Variants in NPAS4 observed in about 807,000 individuals in gnomAD.
The protein encoded by NPAS4 is neuronal PAS domain protein 4, also known as neuronal PAS domain-containing protein 4.
In NPAS4, 10 loss-of-function variants were observed where a neutral mutation model predicts 64.0. The observed-to-expected ratio is 0.16, with a 90% CI of 0.10 to 0.26. NPAS4 has a LOEUF of 0.26. Among genes scored for constraint, NPAS4 ranks in the 10% least tolerant of loss-of-function variants. NPAS4 has a pLI of 1.00. For synonymous variants in NPAS4, 441 were observed against 411.7 expected (o/e 1.07, Z -0.86); for missense variants, 886 against 992.6 (o/e 0.89, Z 1.44).
Position 66,421,088 on chromosome 11 carries a change from G to A in NPAS4, c.-92G>A. 8.8e-7 allele frequency: 1 copy of A among 1,132,600 alleles called. No homozygotes were observed. Among genetic ancestry groups the A allele is most frequent in the Non-Finnish European group, 1.3e-6 (1 of 793,216 alleles). 70.2% of individuals were successfully genotyped at this position (1,132,600 alleles called of 1,614,324 possible). ...GAGCAGAGAGCGAGCCTGAGCGAGA[G>A]ACGGGGAAGCACGGAGGAGGAAGCC... On this transcript the variant is annotated 5_prime_UTR_variant, in exon 1 of 8. Transcript: ENST00000311034.
At position 66,423,152 on chromosome 11, in the gene NPAS4, G is replaced by C; in HGVS notation, c.728G>C (p.Ser243Thr). The change falls in exon 5 of 8, where the codon AGT becomes ACT. Residue 243 changes from serine (S) to threonine (T), a missense_variant. Physicochemically the swap from Ser to Thr is moderately conservative, Grantham distance 58. Transcript: ENST00000311034. ...CTAATCTACCTGGGCTTTGAGCGCA[G>C]TGAACTGCTTTGTAAATCATGGTAT... ...SVLIYLGFER[S>T]ELLCKSWYGL... 1 of 1,611,428 alleles carries C rather than the reference G, an allele frequency of 6.2e-7. No individual in the cohort carries two copies. Among genetic ancestry groups the C allele is most frequent in the Non-Finnish European group, 8.5e-7 (1 of 1,178,616 alleles).
rs555780354 is a variant in NPAS4 at position 66,421,399 on chromosome 11, G to A, written c.175+45G>A. ...CGCAGATCCGAGCTGCCAGGCGCCG[G>A]AGACCCTGGAGCTGAGGGAACCCGC... On this transcript the variant is annotated intron_variant, in intron 1 of 7. Transcript: ENST00000311034. 5 of 1,585,942 alleles carry A rather than the reference G, an allele frequency of 3.2e-6. No individual in the cohort carries two copies. In the South Asian group the frequency reaches 5.6e-5, roughly 18 times the overall value.
chr11:66,426,104 T>G lies in NPAS4; in HGVS notation c.*115T>G. ...TCTGAGGGCCAGAGGGGGATATATA[T>G]GATTCCCCAGGCCCTGCAGGATTTT... On this transcript the variant is annotated 3_prime_UTR_variant, in exon 8 of 8. Transcript: ENST00000311034. 9.8e-6 allele frequency: 6 copies of G among 609,632 alleles called. No homozygotes were observed. The highest frequency in any genetic ancestry group is 1.6e-5 in the South Asian group (1 of 61,880). The allele number at this position is 609,632 out of a possible 1,614,324, so 37.8% of individuals were successfully genotyped here.
At chr11:66,414,347 G>A in the NPAS4 span, among the ~76,000 whole-genome samples, 1 of 152,180 alleles carries the variant, frequency 6.6e-6, no homozygotes, top group African/African-American at 2.4e-5. Flanking sequence ...CTCTTGGAAT[G>A]TGGCTGCTCT....
chr11:66,425,333 T>G, intron 7 of NPAS4, 63 bp downstream of exon 7: 1 of 951,504 alleles, frequency 1.1e-6, no homozygotes, highest in Non-Finnish European at 1.5e-6. Flanking sequence ...GCTGGGTAGA[T>G]TTAGGCAAAT....
intron 4 of NPAS4, 38 bp downstream of exon 4, chr11:66,422,979 G>T (rs201679315): frequency 5.0e-6 from 8 of 1,593,640 alleles, no homozygotes; most frequent in African/African-American, 2.7e-5. Flanking sequence ...AGAAAGGCAG[G>T]CCAGAGATGA....
chr11:66,426,278 T>C lies in NPAS4; in HGVS notation c.*289T>C. The C allele has an allele frequency of 2.7e-6, 1 of 366,618 alleles. No homozygotes were observed. The highest frequency in any genetic ancestry group is 3.4e-5 in the South Asian group (1 of 29,758). The allele number at this position is 366,618 out of a possible 1,614,324, so 22.7% of individuals were successfully genotyped here. A position where few individuals can be genotyped will look rare whatever the true frequency, so the allele number is the denominator to read the frequency against. On this transcript the variant is annotated 3_prime_UTR_variant, in exon 8 of 8. Transcript: ENST00000311034. ...AAGCGGAGAATGGGGGAGTCTCACT[T>C]CCCCGCCGCCTTGCCCCATTGGCCT...
the NPAS4 span, among the ~76,000 whole-genome samples, chr11:66,411,380 G>A: frequency 1.3e-5 from 2 of 152,150 alleles, no homozygotes. Context: ...GAGGTTTGCA[G>A]AACACGCCCA....
At chr11:66,413,286 G>T in the NPAS4 span, among the ~76,000 whole-genome samples, 1 of 152,248 alleles carries the variant, frequency 6.6e-6, no homozygotes, top group Non-Finnish European at 1.5e-5. Flanking sequence ...CAGCACCCCA[G>T]GAGAGAGAAC....
chr11:66,425,409 G>A (rs1158809714), intron 7 of NPAS4, 139 bp downstream of exon 7: 2 of 505,090 alleles, frequency 4.0e-6, no homozygotes, highest in Non-Finnish European at 6.8e-6. Context: ...GAGAGTAGCA[G>A]TGGAGATAAG....
chr11:66,421,147 G>C lies in NPAS4; in HGVS notation c.-33G>C. 3 of 1,560,576 alleles carry C rather than the reference G, an allele frequency of 1.9e-6. No homozygotes were observed. Among genetic ancestry groups the C allele is most frequent in the Non-Finnish European group, 2.6e-6 (3 of 1,151,280 alleles). The stretch of plus-strand genomic sequence containing the variant: ...GTCGGGACGGGAGCGCAGGTGCTCG[G>C]GCACCCGAGCTGGAGCTCCGCAGCC... On this transcript the variant is annotated 5_prime_UTR_variant, in exon 1 of 8. Transcript: ENST00000311034.
upstream of NPAS4, among the ~76,000 whole-genome samples, chr11:66,416,266 CA>C (rs1224268238): frequency 6.6e-6 from 1 of 152,204 alleles, no homozygotes; most frequent in East Asian, 1.9e-4. Context: ...AGGGTAGCAG[CA>C]GCCTGCCAGA....
Position 66,424,871 on chromosome 11 carries a change from C to T in NPAS4, c.1981C>T (p.Pro661Ser), listed in dbSNP as rs1278028878. 1.2e-6 allele frequency: 2 copies of T among 1,612,742 alleles called. No individual in the cohort carries two copies. The highest frequency in any genetic ancestry group is 8.5e-7 in the Non-Finnish European group (1 of 1,179,472). Residue 661 changes from proline (P) to serine (S), a missense_variant, in exon 7 of 8, where the codon CCA (proline) becomes TCA (serine). Transcript: ENST00000311034. ...TGAGGCTGGCACTGGCGGACTAGAG[C>T]CACTTGGAGGACTGGAGCCCCTGGA... ...SAEAGTGGLEPLGGLEPLDSN... is the reference protein window; with the variant it reads ...SAEAGTGGLESLGGLEPLDSN...
chr11:66,422,494 A>G lies in NPAS4; in HGVS notation c.371A>G (p.Asp124Gly). The change falls in exon 3 of 8, where the codon GAC becomes GGC. Residue 124 changes from aspartate (D) to glycine (G), a missense_variant. Coordinates refer to ENST00000311034, the MANE Select transcript of NPAS4 (RefSeq NM_178864.4). ...AQGDSIYDII[D>G]PADHLTVRQQ... The stretch of plus-strand genomic sequence containing the variant: ...GGTGACAGCATCTACGACATCATTG[A>G]CCCAGCTGACCACCTCACTGTGCGC... 1 of 1,613,950 alleles carries G rather than the reference A, an allele frequency of 6.2e-7. No homozygotes were observed. Among genetic ancestry groups the G allele is most frequent in the Non-Finnish European group, 8.5e-7 (1 of 1,179,970 alleles).
rs372801198 is a variant in NPAS4 at position 66,422,235 on chromosome 11, G to A, written c.291G>A (p.Leu97=). 1.9e-6 allele frequency: 3 copies of A among 1,614,068 alleles called. No homozygotes were observed. In the Admixed American group the frequency reaches 5.0e-5, roughly 27 times the overall value. The stretch of plus-strand genomic sequence containing the variant: ...CAGCCGAGGGGAAATTGCTCTACCT[G>A]TCTGAGAGTGTGAGCGAGCATCTGG... The part of the protein sequence containing the change: ...VFTAEGKLLY[L]SESVSEHLGH... Residue 97 remains leucine (L), a synonymous_variant, in exon 2 of 8, where the codon CTG becomes CTA. Transcript: ENST00000311034.
In NPAS4 at chr11:66,425,117, T is replaced by C; in HGVS notation, c.2227T>C (p.Cys743Arg). ...AEGPGGAPSP[C>R]NNLSPEDHSF... The stretch of plus-strand genomic sequence containing the variant: ...GGGCCCAGGAGGGGCCCCATCGCCT[T>C]GCAACAACCTGTCCCCAGAAGACCA... Residue 743 changes from cysteine (C) to arginine (R), a missense_variant, in exon 7 of 8, where the codon TGC (cysteine) becomes CGC (arginine). This residue lies in a region of NPAS4 where 820 missense variants were observed against 855.5 expected (regional missense o/e 0.96). Coordinates refer to ENST00000311034, the MANE Select transcript of NPAS4 (RefSeq NM_178864.4). 1 of 1,605,204 alleles carries C rather than the reference T, an allele frequency of 6.2e-7. No individual in the cohort carries two copies. Among genetic ancestry groups the C allele is most frequent in the Non-Finnish European group, 8.5e-7 (1 of 1,177,014 alleles).
the NPAS4 span, chr11:66,410,036 T>C: frequency 6.6e-6 from 1 of 152,242 alleles, no homozygotes; most frequent in Non-Finnish European, 1.5e-5. Context: ...CAAGGACCAA[T>C]TGGCCTCTGG....
At chr11:66,419,134 GAAGA>G (rs1590691462), upstream of NPAS4, among the ~76,000 whole-genome samples, 1 of 152,168 alleles carries the variant, frequency 6.6e-6, no homozygotes, top group Non-Finnish European at 1.5e-5. Context: ...GTCAGATTGA[GAAGA>G]AAGAAGCAAC....
At position 66,425,823 on chromosome 11, in the gene NPAS4, T is replaced by TCAGGGCTC; in HGVS notation, c.2381-138_2381-137insCAGGGCTC. ...CGTCCATCCAAATTGCCCCCTAATC[T>TCAGGGCTC]ACTGAGCCTCTGGCCATCATTTCAT... On this transcript the variant is annotated intron_variant, in intron 7 of 7. Coordinates refer to ENST00000311034, the MANE Select transcript of NPAS4 (RefSeq NM_178864.4). 3 of 677,554 alleles carry TCAGGGCTC rather than the reference T, an allele frequency of 4.4e-6. No homozygotes were observed. The South Asian group carries it at 5.2e-5, about 12-fold the overall frequency. The allele number at this position is 677,554 out of a possible 1,614,324, so 42.0% of individuals were successfully genotyped here.
Sources: allele counts gnomAD v4.1 joint callset (sites outside exome capture counted in the v4.1 genomes callset), GRCh38; gene constraint gnomAD v4.1.1; regional missense constraint gnomAD v4.1.1; transcripts MANE v1.5; gene names NCBI Gene and HGNC (gene_info 2026-07-23, HGNC 2026-07-21).